TTYH2: variants seen among roughly 807,000 people sequenced by gnomAD.
The protein encoded by TTYH2 is tweety family member 2, also known as protein tweety homolog 2.
In TTYH2, 49 loss-of-function variants were observed where a neutral mutation model predicts 68.3. The observed-to-expected ratio is 0.72, with a 90% CI of 0.57 to 0.91. The LOEUF is 0.91. Ranked by LOEUF, TTYH2 falls within the 40% of genes least tolerant of loss-of-function variation. The pLI is 0.00. For synonymous variants in TTYH2, 272 were observed against 300.8 expected, an observed-to-expected ratio of 0.90 and a Z score of 0.99; for missense variants, 631 against 700.4, an observed-to-expected ratio of 0.90 and a Z score of 1.12.
intron 3 of TTYH2, among the ~76,000 whole-genome samples, chr17:74,234,528 C>A (rs1360311163): frequency 6.6e-6 from 1 of 152,148 alleles, no homozygotes; most frequent in Non-Finnish European, 1.5e-5. Context: ...CCTAGGAGTT[C>A]AAGAACAGCC....
Position 74,222,783 on chromosome 17 carries a change from T to C in TTYH2, c.302+126T>C. ...GAAAAGCTTGTCCCCAGATGAATGT[T>C]GTCCCTTTTTTTTTTTTTACCAAGC... On this transcript the variant is annotated intron_variant, in intron 2 of 13. Coordinates refer to ENST00000269346, the MANE Select transcript of TTYH2 (RefSeq NM_032646.6). This position sits in a 1 kb window ranked among gnomAD's most constrained non-coding sequence, Gnocchi z 5.2. 3 of 1,202,674 alleles carry C rather than the reference T, an allele frequency of 2.5e-6. No homozygotes were observed. The highest frequency in any genetic ancestry group is 3.3e-6 in the Non-Finnish European group (3 of 901,342). 74.5% of individuals were successfully genotyped at this position (1,202,674 alleles called of 1,614,324 possible).
At position 74,241,296 on chromosome 17, in the gene TTYH2, T is replaced by TGTGCGC. The variant is rs59096145; in HGVS notation, c.636-2077_636-2076insTGCGCG. The stretch of plus-strand genomic sequence containing the variant: ...GTGTGTGTGTGTGTGTGTGTGTGTG[T>TGTGCGC]GCGTGTAAAAATAAGAATGTGATCC... On this transcript the variant is annotated intron_variant, in intron 4 of 13. Transcript: ENST00000269346. The surrounding 1 kb of genome is among the most constrained non-coding windows in gnomAD (Gnocchi z 4.1). 1.1e-3 allele frequency among the ~76,000 whole-genome samples: 160 copies of TGTGCGC among 146,368 alleles called. No individual in the cohort carries two copies. The Middle Eastern group carries it at 0.017, about 16-fold the overall frequency.
Position 74,241,294 on chromosome 17 carries a change from T to TGTGTGTGTGTGTGTGC in TTYH2, c.636-2077_636-2076insTGTGTGTGTGTGCGTG, listed in dbSNP as rs200185724. ...GTGTGTGTGTGTGTGTGTGTGTGTG[T>TGTGTGTGTGTGTGTGC]GTGCGTGTAAAAATAAGAATGTGAT... On this transcript the variant is annotated intron_variant, in intron 4 of 13. Coordinates refer to ENST00000269346, the MANE Select transcript of TTYH2 (RefSeq NM_032646.6). This position sits in a 1 kb window ranked among gnomAD's most constrained non-coding sequence, Gnocchi z 4.1. 2.1e-4 allele frequency among the ~76,000 whole-genome samples: 30 copies of TGTGTGTGTGTGTGTGC among 144,328 alleles called. No individual in the cohort carries two copies. Among genetic ancestry groups the TGTGTGTGTGTGTGTGC allele is most frequent in the African/African-American group, 7.1e-4 (27 of 38,158 alleles). The allele number at this position is 144,328 out of a possible 152,430, so 94.7% of individuals were successfully genotyped here. A position where few individuals can be genotyped will look rare whatever the true frequency, so the allele number is the denominator to read the frequency against.
At chr17:74,256,339 C>T (rs1187986033) in intron 13 of TTYH2, among the ~76,000 whole-genome samples, 1 of 152,114 alleles carries the variant, frequency 6.6e-6, no homozygotes, top group Non-Finnish European at 1.5e-5. Flanking sequence ...ATGCTATTGA[C>T]ATCTAGGGAG....
At chr17:74,259,111 A>C (rs985279772) in intron 13 of TTYH2, among the ~76,000 whole-genome samples, 2 of 152,182 alleles carry the variant, frequency 1.3e-5, no homozygotes, top group Non-Finnish European at 2.9e-5. Context: ...CCTACTCTGT[A>C]CTGGGTCATG....
chr17:74,237,153 G>A (rs2050451325), intron 3 of TTYH2, 141 bp from the exon 4 acceptor site: 8 of 795,134 alleles, frequency 1.0e-5, no homozygotes, highest in Non-Finnish European at 1.4e-5. Flanking sequence ...GCCTGCCTCA[G>A]CCTCCCGAAG....
At chr17:74,258,726 C>T (rs965634890) in intron 13 of TTYH2, among the ~76,000 whole-genome samples, 11 of 152,196 alleles carry the variant, frequency 7.2e-5, no homozygotes, top group African/African-American at 2.4e-4. Context: ...TGTAGGACGT[C>T]TAGCAGCATC....
At position 74,222,841 on chromosome 17, in the gene TTYH2, G is replaced by C. The variant is rs1363263010; in HGVS notation, c.302+184G>C. Among the ~76,000 whole-genome samples the C allele has an allele frequency of 5.3e-5, 8 of 151,934 alleles. No individual in the cohort carries two copies. Among genetic ancestry groups the C allele is most frequent in the Non-Finnish European group, 8.8e-5 (6 of 67,968 alleles). On this transcript the variant is annotated intron_variant, in intron 2 of 13. Coordinates refer to ENST00000269346, the MANE Select transcript of TTYH2 (RefSeq NM_032646.6). This position sits in a 1 kb window ranked among gnomAD's most constrained non-coding sequence, Gnocchi z 5.2. The stretch of plus-strand genomic sequence containing the variant: ...ATCAGATGCCTGGGGTGGTGATGGG[G>C]TCTCCAGAAAGGTCTCCCAAGTGGC...
chr17:74,220,278 G>A (rs1015851990), intron 1 of TTYH2, among the ~76,000 whole-genome samples: 1 of 152,228 alleles, frequency 6.6e-6, no homozygotes, highest in African/African-American at 2.4e-5. Flanking sequence ...GCAGGGCTCT[G>A]CTAAGCAAGT....
chr17:74,219,403 A>AAAAAAAAAG (rs1241503126), intron 1 of TTYH2, among the ~76,000 whole-genome samples: 12 of 149,610 alleles, frequency 8.0e-5, no homozygotes, highest in African/African-American at 3.1e-4. Flanking sequence ...AAAAAAAAAA[A>AAAAAAAAAG]GAATAACTTA....
rs1227180729 is a variant in TTYH2 at position 74,241,798 on chromosome 17, CCCT to C, written c.636-1571_636-1569del. Among the ~76,000 whole-genome samples the C allele has an allele frequency of 6.6e-6, 1 of 152,218 alleles. No individual in the cohort carries two copies. Among genetic ancestry groups the C allele is most frequent in the Non-Finnish European group, 1.5e-5 (1 of 68,036 alleles). ...GGGAAGCCCCTGTCTCTGTGCCCGCCCCTCCTCTGTCCACTCTCCCGCTGGTGC... is the reference window on the plus strand; with the variant it reads ...GGGAAGCCCCTGTCTCTGTGCCCGCCCCTCTGTCCACTCTCCCGCTGGTGC... On this transcript the variant is annotated intron_variant, in intron 4 of 13. Transcript: ENST00000269346. This position sits in a 1 kb window ranked among gnomAD's most constrained non-coding sequence, Gnocchi z 4.1.
intron 3 of TTYH2, among the ~76,000 whole-genome samples, chr17:74,234,768 C>T (rs923412008): frequency 6.6e-6 from 1 of 151,982 alleles, no homozygotes; most frequent in Non-Finnish European, 1.5e-5. Context: ...TTTTAACAGC[C>T]CTTTACTCTG....
At chr17:74,229,770 C>T (rs1360505048) in intron 2 of TTYH2, among the ~76,000 whole-genome samples, 1 of 152,214 alleles carries the variant, frequency 6.6e-6, no homozygotes, top group Admixed American at 6.5e-5. Flanking sequence ...TCCGAAAATG[C>T]TCCACACTGT....
rs749683676 is a variant in TTYH2 at position 74,249,021 on chromosome 17, A to G, written c.815A>G (p.Asp272Gly). The change falls in exon 7 of 14, where the codon GAC becomes GGC. Residue 272 changes from aspartate (D) to glycine (G), a missense_variant. Asp to Gly is a moderately conservative substitution (Grantham distance 94). Coordinates refer to ENST00000269346, the MANE Select transcript of TTYH2 (RefSeq NM_032646.6). The stretch of plus-strand genomic sequence containing the variant: ...CTCTCCCTCACTCAGGCCACCAGTG[A>G]CTTCTGTGTGGCTCCTGACACCTTC... Reference protein sequence around the residue: ...ADGSAAVATSDFCVAPDTFIL... With the variant: ...ADGSAAVATSGFCVAPDTFIL... 2 of 1,613,978 alleles carry G rather than the reference A, an allele frequency of 1.2e-6. No homozygotes were observed. The highest frequency in any genetic ancestry group is 2.2e-5 in the East Asian group (1 of 44,876).
In TTYH2 at chr17:74,222,599, A is replaced by C; in HGVS notation, c.244A>C (p.Lys82Gln). 1 of 1,612,194 alleles carries C rather than the reference A, an allele frequency of 6.2e-7. No individual in the cohort carries two copies. The highest frequency in any genetic ancestry group is 8.5e-7 in the Non-Finnish European group (1 of 1,179,976). Residue 82 changes from lysine to glutamine, a missense_variant, in exon 2 of 14, where the codon AAG (lysine) becomes CAG (glutamine). Physicochemically the swap from Lys to Gln is moderately conservative, Grantham distance 53. Coordinates refer to ENST00000269346, the MANE Select transcript of TTYH2 (RefSeq NM_032646.6). This position sits in a 1 kb window ranked among gnomAD's most constrained non-coding sequence, Gnocchi z 5.2. Reference sequence around the variant, plus strand: ...CCGGCGGGACGATGCGGTGCAGACCAAGCAGCACCACTCCTGCTGCATCAC... The same window carrying C: ...CCGGCGGGACGATGCGGTGCAGACCCAGCAGCACCACTCCTGCTGCATCAC... Reference protein sequence around the residue: ...HCRRDDAVQTKQHHSCCITWT... With the variant: ...HCRRDDAVQTQQHHSCCITWT...
At chr17:74,228,174 G>A (rs1390244960) in intron 2 of TTYH2, among the ~76,000 whole-genome samples, 2 of 151,820 alleles carry the variant, frequency 1.3e-5, no homozygotes, top group African/African-American at 4.8e-5. Context: ...AGTAGAGATG[G>A]GGTTTCGCCA....
intron 1 of TTYH2, among the ~76,000 whole-genome samples, chr17:74,220,101 A>C (rs7225023): frequency 0.2 from 31,020 of 151,892 alleles, 9,295 homozygotes; most frequent in African/African-American, 0.66. Flanking sequence ...CCATCCCAGC[A>C]TCCCCAGTAG....
intron 1 of TTYH2, among the ~76,000 whole-genome samples, chr17:74,220,835 G>A (rs562486268): frequency 3.9e-5 from 6 of 152,038 alleles, no homozygotes; most frequent in East Asian, 3.9e-4. Flanking sequence ...CACCCAGGCC[G>A]GAGTGCAGTG....
intron 6 of TTYH2, among the ~76,000 whole-genome samples, chr17:74,246,073 G>A (rs530576431): frequency 6.6e-6 from 1 of 152,308 alleles, no homozygotes; most frequent in East Asian, 1.9e-4. Flanking sequence ...TGAGGGGCTA[G>A]AGCAGGCAGA....
Sources: allele counts gnomAD v4.1 joint callset (sites outside exome capture counted in the v4.1 genomes callset), GRCh38; gene constraint gnomAD v4.1.1; non-coding constraint Gnocchi (gnomAD v3.1); transcripts MANE v1.5; gene names NCBI Gene and HGNC (gene_info 2026-07-23, HGNC 2026-07-21).